Variants in MRPS35 observed in about 807,000 individuals in gnomAD.
MRPS35 encodes small ribosomal subunit protein mS35.
A neutral mutation model predicts 32.7 loss-of-function variants in MRPS35; 29 were observed. The ratio of observed to expected loss-of-function variants is 0.89; its 90% CI spans 0.66 to 1.21. The LOEUF is 1.21. Among genes scored for constraint, MRPS35 ranks in the 50% most tolerant of loss-of-function variants. The pLI is 0.00. For missense variants in MRPS35, 373 were observed against 383.8 expected (o/e 0.97, Z 0.23); for synonymous variants, 148 against 139.3 (o/e 1.06, Z -0.44).
At chr12:27,712,297 A>C (rs1198545907) in intron 1 of MRPS35, among the ~76,000 whole-genome samples, 3 of 152,200 alleles carry the variant, frequency 2.0e-5, no homozygotes, top group African/African-American at 7.2e-5. Context: ...GTAGTATAAG[A>C]CGTCAGAGAG....
rs1278264280 is a variant in MRPS35, at chr12:27,733,022, A to ATCTATCTATCTATC, written c.523-2424_523-2423insCTATCTATCTATCT. 1.1e-4 allele frequency among the ~76,000 whole-genome samples: 4 copies of ATCTATCTATCTATC among 36,626 alleles called. No homozygotes were observed. The East Asian group carries it at 4.9e-3, about 45-fold the overall frequency. The allele number at this position is 36,626 out of a possible 152,430, so 24.0% of individuals were successfully genotyped here. A position where few individuals can be genotyped will look rare whatever the true frequency, so the allele number is the denominator to read the frequency against. Reference sequence around the variant, plus strand: ...TATATATATATATATATATATATATATATATATATATATATATATCCAGCA... The same window carrying ATCTATCTATCTATC: ...TATATATATATATATATATATATATATCTATCTATCTATCTATATATATATATATATATCCAGCA... On this transcript the variant is annotated intron_variant, in intron 5 of 7. Coordinates refer to ENST00000081029, the MANE Select transcript of MRPS35 (RefSeq NM_021821.4).
At chr12:27,736,573 G>A (rs1399153414) in intron 6 of MRPS35, among the ~76,000 whole-genome samples, 1 of 151,610 alleles carries the variant, frequency 6.6e-6, no homozygotes. Flanking sequence ...TAGAGTAGAG[G>A]ACTTAAATAA....
At chr12:27,737,634 T>C in intron 7 of MRPS35, 26 bp downstream of exon 7, 1 of 1,546,868 alleles carries the variant, frequency 6.5e-7, no homozygotes, top group African/African-American at 1.4e-5. Context: ...TATTTAATGA[T>C]TTTGTCATTG....
intron 7 of MRPS35, among the ~76,000 whole-genome samples, chr12:27,743,483 G>A (rs981134000): frequency 2.0e-5 from 3 of 152,010 alleles, no homozygotes; most frequent in African/African-American, 7.2e-5. Flanking sequence ...AGCCGAGATG[G>A]CGCCACTGCA....
At chr12:27,745,542 G>A (rs2061979178) in intron 7 of MRPS35, among the ~76,000 whole-genome samples, 1 of 151,770 alleles carries the variant, frequency 6.6e-6, no homozygotes, top group Non-Finnish European at 1.5e-5. Flanking sequence ...TTTCAGCTGG[G>A]GGTTGTATCA....
intron 7 of MRPS35, among the ~76,000 whole-genome samples, chr12:27,740,490 G>A (rs1382192196): frequency 6.6e-6 from 1 of 152,070 alleles, no homozygotes; most frequent in Admixed American, 6.6e-5. Flanking sequence ...GGTTGGTCTT[G>A]AACTCCTGGG....
chr12:27,755,033 G>A, intron 7 of MRPS35, 148 bp from the exon 8 acceptor site: 2 of 852,542 alleles, frequency 2.3e-6, no homozygotes, highest in African/African-American at 1.7e-5. Context: ...CAGACAAGGT[G>A]TTGGCCAGGG....
intron 7 of MRPS35, among the ~76,000 whole-genome samples, 182 bp from the exon 8 acceptor site, chr12:27,754,999 A>G (rs2062020404): frequency 6.6e-6 from 1 of 152,064 alleles, no homozygotes; most frequent in African/African-American, 2.4e-5. Flanking sequence ...GGCTAACAGT[A>G]CAGGGTTAAG....
At chr12:27,733,449 T>G (rs902511865) in intron 5 of MRPS35, among the ~76,000 whole-genome samples, 3 of 152,150 alleles carry the variant, frequency 2.0e-5, no homozygotes, top group African/African-American at 7.2e-5. Flanking sequence ...GCTAGAATAC[T>G]TTAAGCTTTT....
chr12:27,734,217 T>C (rs572756463), intron 5 of MRPS35, among the ~76,000 whole-genome samples: 1 of 152,062 alleles, frequency 6.6e-6, no homozygotes, highest in Non-Finnish European at 1.5e-5. Flanking sequence ...TTAACTGTAT[T>C]CTGGTGTGTA....
chr12:27,753,900 A>G (rs556628973), intron 7 of MRPS35, among the ~76,000 whole-genome samples: 12 of 152,344 alleles, frequency 7.9e-5, no homozygotes, highest in African/African-American at 2.9e-4. Flanking sequence ...TTGTAAGAAA[A>G]AACGAGTAGT....
intron 7 of MRPS35, among the ~76,000 whole-genome samples, chr12:27,739,973 A>T (rs10771359): frequency 0.48 from 72,384 of 152,074 alleles, 17,417 homozygotes; most frequent in Admixed American, 0.58. Context: ...CAACTGTCCA[A>T]ACAAGTATAC....
intron 7 of MRPS35, among the ~76,000 whole-genome samples, chr12:27,751,280 G>A (rs1423543136): frequency 6.6e-6 from 1 of 152,092 alleles, no homozygotes; most frequent in Non-Finnish European, 1.5e-5. Context: ...TTAAACCATA[G>A]TGATTTTCTT....
chr12:27,710,994 G>T, intron 1 of MRPS35, 39 bp downstream of exon 1: 1 of 1,575,816 alleles, frequency 6.3e-7, no homozygotes, highest in Non-Finnish European at 8.7e-7. Flanking sequence ...TTTGGGGGAG[G>T]TGCAAGAGCG....
chr12:27,722,371 T>A (rs1020279931), intron 4 of MRPS35, among the ~76,000 whole-genome samples: 20 of 152,228 alleles, frequency 1.3e-4, no homozygotes, highest in Non-Finnish European at 2.6e-4. Context: ...GTCTCATCTA[T>A]TGCTCTACCT....
chr12:27,733,013 T>TCCAGC (rs2061928279), intron 5 of MRPS35, among the ~76,000 whole-genome samples: 1 of 35,938 alleles, frequency 2.8e-5, no homozygotes, highest in Non-Finnish European at 6.0e-5. Flanking sequence ...TATATATATA[T>TCCAGC]ATATATATAT....
rs1004272191 is a variant in MRPS35 at position 27,713,301 on chromosome 12, T to C, written c.113-1479T>C. Among the ~76,000 whole-genome samples the C allele has an allele frequency of 2.0e-5, 3 of 152,162 alleles. No homozygotes were observed. The South Asian group carries it at 6.2e-4, about 32-fold the overall frequency. On this transcript the variant is annotated intron_variant, in intron 1 of 7. Coordinates refer to ENST00000081029, the MANE Select transcript of MRPS35 (RefSeq NM_021821.4). ...GTTTTCCAGAGAGACAGAACGTAGA[T>C]GTAGGATAGGATAGATGTAGATGTA...
chr12:27,714,274 A>G (rs1037218085), intron 1 of MRPS35, among the ~76,000 whole-genome samples: 4 of 151,982 alleles, frequency 2.6e-5, no homozygotes, highest in African/African-American at 9.7e-5. Flanking sequence ...CTGTATCTGC[A>G]ATTCAAATAA....
At chr12:27,720,768 T>G (rs1196231485) in intron 4 of MRPS35, among the ~76,000 whole-genome samples, 1 of 150,712 alleles carries the variant, frequency 6.6e-6, no homozygotes, top group Non-Finnish European at 1.5e-5. Flanking sequence ...TGAAAACCTA[T>G]TGATTTCTAG....
Sources: gnomAD v4.1 joint callset for allele counts (sites outside exome capture counted in the v4.1 genomes callset) on GRCh38, gnomAD v4.1.1 for gene constraint, MANE v1.5 for transcripts, NCBI Gene and HGNC (gene_info 2026-07-23, HGNC 2026-07-21) for gene names.